Variants in DNMT1 observed in about 807,000 individuals in gnomAD.
The protein encoded by DNMT1 is DNA methyltransferase 1.
DNMT1 carries 24 observed loss-of-function variants against 205.3 expected under a neutral mutation model. The observed-to-expected ratio is 0.12, with a 90% confidence interval of 0.08 to 0.16. DNMT1 has a LOEUF of 0.16. Ranked by LOEUF, DNMT1 falls within the 10% of genes least tolerant of loss-of-function variation. The pLI is 1.00. For missense variants in DNMT1, 1,293 were observed against 2,177.7 expected, an observed-to-expected ratio of 0.59 and a Z score of 8.09; for synonymous variants, 817 against 839.8, an observed-to-expected ratio of 0.97 and a Z score of 0.47.
Position 10,137,877 on chromosome 19 carries a change from G to C in DNMT1, c.4248C>G (p.Leu1416=). The C allele has an allele frequency of 1.2e-6, 2 of 1,613,586 alleles. No individual in the cohort carries two copies. Reference sequence around the variant, plus strand: ...GGATGGGCTGGTACTGTGCGCCCCGGAGCTGCCTCTGGAACCAGGACTGAG... The same window carrying C: ...GGATGGGCTGGTACTGTGCGCCCCGCAGCTGCCTCTGGAACCAGGACTGAG... ...GEPQSWFQRQ[L]RGAQYQPILR... The change falls in exon 36 of 41, where the codon CTC becomes CTG. Residue 1416 remains leucine, a synonymous_variant. Transcript: ENST00000359526. This position sits in a 1 kb window ranked among gnomAD's most constrained non-coding sequence, Gnocchi z 6.4.
intron 9 of DNMT1, among the ~76,000 whole-genome samples, chr19:10,168,675 AAAATTCCTCTACT>A (rs1568244955): frequency 4.6e-5 from 7 of 151,134 alleles, no homozygotes; most frequent in Non-Finnish European, 1.0e-4. Context: ...TTTTTACTTC[AAAATTCCTCTACT>A]ACTTGTCATC....
chr19:10,193,129 G>C (rs1274077545), intron 1 of DNMT1, among the ~76,000 whole-genome samples: 1 of 152,162 alleles, frequency 6.6e-6, no homozygotes, highest in Non-Finnish European at 1.5e-5. Context: ...AAAGGCAGGA[G>C]GACTGCTTGA....
Position 10,137,404 on chromosome 19 carries a change from A to T in DNMT1, c.4294-124T>A. On this transcript the variant is annotated intron_variant, in intron 36 of 40. Coordinates refer to ENST00000359526, the MANE Select transcript of DNMT1 (RefSeq NM_001130823.3). This position sits in a 1 kb window ranked among gnomAD's most constrained non-coding sequence, Gnocchi z 6.4. Reference sequence around the variant, plus strand: ...CCCCTGGGGCTCACGCCCATCGGGAAAGAGACAGTCAGGGATATCGCACTT... The same window carrying T: ...CCCCTGGGGCTCACGCCCATCGGGATAGAGACAGTCAGGGATATCGCACTT... The T allele has an allele frequency of 8.1e-7, 1 of 1,240,048 alleles. No homozygotes were observed. Among genetic ancestry groups the T allele is most frequent in the Non-Finnish European group, 1.1e-6 (1 of 891,780 alleles). The allele number at this position is 1,240,048 out of a possible 1,614,324, so 76.8% of individuals were successfully genotyped here.
Position 10,146,816 on chromosome 19 carries a change from C to T in DNMT1, c.2721-292G>A, listed in dbSNP as rs1366525218. The stretch of plus-strand genomic sequence containing the variant: ...CTAGAATATGGTTAAGAACACACCA[C>T]GAGCAACAGTCCCGAGTGGCTCAGT... On this transcript the variant is annotated intron_variant, in intron 27 of 40. Coordinates refer to ENST00000359526, the MANE Select transcript of DNMT1 (RefSeq NM_001130823.3). This position sits in a 1 kb window ranked among gnomAD's most constrained non-coding sequence, Gnocchi z 4.4. 2.6e-5 allele frequency among the ~76,000 whole-genome samples: 4 copies of T among 152,166 alleles called. No homozygotes were observed. Among genetic ancestry groups the T allele is most frequent in the African/African-American group, 4.8e-5 (2 of 41,436 alleles).
rs2038520401 is a variant in DNMT1, at chr19:10,159,394, TCGGTAGGTTTCG to T, written c.1280+252_1280+263del. On this transcript the variant is annotated intron_variant, in intron 17 of 40. Transcript: ENST00000359526. This position sits in a 1 kb window ranked among gnomAD's most constrained non-coding sequence, Gnocchi z 5.0. ...CCACACCTGGCTACTTTTTGTATTT[TCGGTAGGTTTCG>T]CCATGTTGGCCAGGCTGGTCTCGAA... 6.6e-6 allele frequency among the ~76,000 whole-genome samples: 1 copy of T among 152,114 alleles called. No homozygotes were observed. The highest frequency in any genetic ancestry group is 1.5e-5 in the Non-Finnish European group (1 of 68,026).
At chr19:10,136,958 C>A in intron 37 of DNMT1, 127 bp downstream of exon 37, 1 of 1,309,368 alleles carries the variant, frequency 7.6e-7, no homozygotes, top group East Asian at 2.5e-5. Context: ...CAGCAGCTAC[C>A]TTCTCTGGGA....
Position 10,137,360 on chromosome 19 carries a change from A to G in DNMT1, c.4294-80T>C, listed in dbSNP as rs1179493097. ...CCATGGTGGGCTGGGAGCTGGGAAC[A>G]CCATGGTGACCAGGAAGCCCCCTGG... On this transcript the variant is annotated intron_variant, in intron 36 of 40. Transcript: ENST00000359526. The surrounding 1 kb of genome is among the most constrained non-coding windows in gnomAD (Gnocchi z 6.4). 1 of 1,505,828 alleles carries G rather than the reference A, an allele frequency of 6.6e-7. No homozygotes were observed. Among genetic ancestry groups the G allele is most frequent in the African/African-American group, 1.4e-5 (1 of 72,418 alleles). 93.3% of individuals were successfully genotyped at this position (1,505,828 alleles called of 1,614,324 possible). A position where few individuals can be genotyped will look rare whatever the true frequency, so the allele number is the denominator to read the frequency against.
Position 10,141,208 on chromosome 19 carries a change from C to T in DNMT1, c.3310-19G>A. ...TATAGGCCTGAAAAGGAGAGAACTG[C>T]AATCGTTTGGGAGAGAAACGCACTG... On this transcript the variant is annotated intron_variant, in intron 30 of 40. Coordinates refer to ENST00000359526, the MANE Select transcript of DNMT1 (RefSeq NM_001130823.3). 6.2e-7 allele frequency: 1 copy of T among 1,613,178 alleles called. No individual in the cohort carries two copies. Among genetic ancestry groups the T allele is most frequent in the Non-Finnish European group, 8.5e-7 (1 of 1,179,402 alleles).
intron 1 of DNMT1, among the ~76,000 whole-genome samples, chr19:10,191,364 TAA>T (rs548166248): frequency 2.3e-4 from 30 of 129,172 alleles, no homozygotes; most frequent in South Asian, 4.8e-4. Flanking sequence ...TTTCAAAATG[TAA>T]AAAAAAAAAA....
intron 1 of DNMT1, among the ~76,000 whole-genome samples, chr19:10,187,300 C>T (rs973292798): frequency 1.6e-4 from 24 of 151,914 alleles, no homozygotes; most frequent in Admixed American, 3.3e-4. Flanking sequence ...CAGAAATGCT[C>T]GTCTGAAATA....
In DNMT1 at chr19:10,169,713, C is replaced by G. The variant is rs569780667; in HGVS notation, c.769-1349G>C. 4.4e-4 allele frequency among the ~76,000 whole-genome samples: 67 copies of G among 152,170 alleles called. 1 individual carries two copies. In the South Asian group the frequency reaches 0.014, roughly 31 times the overall value. ...CCTGGGAAGCGGAGCTTGAAGTGAG[C>G]GGAGATCGCACCACTGCACTCCAGC... On this transcript the variant is annotated intron_variant, in intron 9 of 40. Coordinates refer to ENST00000359526, the MANE Select transcript of DNMT1 (RefSeq NM_001130823.3).
chr19:10,179,216 A>G (rs1234556519), intron 5 of DNMT1, among the ~76,000 whole-genome samples: 1 of 151,912 alleles, frequency 6.6e-6, no homozygotes, highest in African/African-American at 2.4e-5. Context: ...AACCAGGCAT[A>G]TAAGGTCTTA....
chr19:10,172,316 G>A (rs1344533340), intron 9 of DNMT1, among the ~76,000 whole-genome samples: 3 of 150,506 alleles, frequency 2.0e-5, no homozygotes, highest in African/African-American at 7.3e-5. Flanking sequence ...TCAGGAGGCT[G>A]AGGCACAAGA....
intron 5 of DNMT1, among the ~76,000 whole-genome samples, chr19:10,179,138 A>T (rs948822570): frequency 6.6e-6 from 1 of 151,830 alleles, no homozygotes; most frequent in Admixed American, 6.6e-5. Flanking sequence ...AAAAAAAAAA[A>T]AAAAAAAAAA....
At chr19:10,165,165 G>C (rs2038662097) in intron 11 of DNMT1, among the ~76,000 whole-genome samples, 1 of 152,018 alleles carries the variant, frequency 6.6e-6, no homozygotes, top group South Asian at 2.1e-4. Context: ...CAGCTACTTG[G>C]GAGGCTGAGG....
chr19:10,184,960 A>G (rs932823375), intron 1 of DNMT1, among the ~76,000 whole-genome samples: 2 of 152,190 alleles, frequency 1.3e-5, no homozygotes, highest in African/African-American at 4.8e-5. Flanking sequence ...GCTTTGCTGG[A>G]CCCATGTCTT....
At chr19:10,193,626 T>C (rs2039343503) in intron 1 of DNMT1, among the ~76,000 whole-genome samples, 2 of 148,416 alleles carry the variant, frequency 1.3e-5, no homozygotes. Context: ...GCCTCCCAAA[T>C]TGCTGGGATT....
At position 10,146,152 on chromosome 19, in the gene DNMT1, C is replaced by T. The variant is rs77397588; in HGVS notation, c.2894+199G>A. On this transcript the variant is annotated intron_variant, in intron 28 of 40. Coordinates refer to ENST00000359526, the MANE Select transcript of DNMT1 (RefSeq NM_001130823.3). This position sits in a 1 kb window ranked among gnomAD's most constrained non-coding sequence, Gnocchi z 4.4. ...AGCCAAACCAGCGAGTTGACTTTTA[C>T]GCTCAGCTTTGCTCTGCAATAGCAT... Among the ~76,000 whole-genome samples the T allele has an allele frequency of 5.9e-3, 892 of 152,228 alleles. 19 individuals carry two copies. The highest frequency in any genetic ancestry group is 0.034 in the East Asian group (174 of 5,164).
At chr19:10,148,097 C>T (rs769326139) in intron 27 of DNMT1, among the ~76,000 whole-genome samples, 11 of 33,242 alleles carry the variant, frequency 3.3e-4, no homozygotes, top group Non-Finnish European at 4.8e-4. Context: ...GCCTGGGCAA[C>T]AAAAGCGAAA....
Sources: allele counts gnomAD v4.1 joint callset (sites outside exome capture counted in the v4.1 genomes callset), GRCh38; gene constraint gnomAD v4.1.1; non-coding constraint Gnocchi (gnomAD v3.1); transcripts MANE v1.5; gene names NCBI Gene and HGNC (gene_info 2026-07-23, HGNC 2026-07-21).